Variants in CLDN10 observed in about 807,000 individuals in gnomAD.
CLDN10 encodes claudin-10.
In CLDN10, 15 loss-of-function variants were observed where a neutral mutation model predicts 22.9. The ratio of observed to expected loss-of-function variants is 0.65; its 90% CI spans 0.44 to 1.01. The LOEUF is 1.01. Among genes scored for constraint, CLDN10 ranks in the 50% least tolerant of loss-of-function variants. CLDN10 has a pLI of 0.00. For missense variants in CLDN10, 247 were observed against 287.8 expected, an observed-to-expected ratio of 0.86 and a Z score of 1.03; for synonymous variants, 114 against 111.4, an observed-to-expected ratio of 1.02 and a Z score of -0.15.
intron 3 of CLDN10, among the ~76,000 whole-genome samples, chr13:95,571,244 G>T (rs1232571241): frequency 4.6e-5 from 7 of 152,074 alleles, no homozygotes; most frequent in African/African-American, 1.7e-4. Context: ...AAATCACAGT[G>T]CATGGAAGGA....
chr13:95,459,989 A>C (rs2042519728), intron 1 of CLDN10, among the ~76,000 whole-genome samples: 1 of 152,202 alleles, frequency 6.6e-6, no homozygotes, highest in Non-Finnish European at 1.5e-5. Context: ...TTCTTCTGCC[A>C]GATACCCTAA....
chr13:95,529,543 TG>T (rs983965442), intron 1 of CLDN10, among the ~76,000 whole-genome samples: 1 of 152,200 alleles, frequency 6.6e-6, no homozygotes, highest in African/African-American at 2.4e-5. Flanking sequence ...TAGGTGAGCG[TG>T]CCTCTAGGCT....
intron 4 of CLDN10, 29 bp from the exon 5 acceptor site, chr13:95,577,870 GA>G (rs1160238907): frequency 4.7e-6 from 7 of 1,476,140 alleles, no homozygotes; most frequent in Non-Finnish European, 6.6e-6. Context: ...GTGTAGAATA[GA>G]ATCTACCAAA....
At chr13:95,469,365 A>G (rs187119192) in intron 1 of CLDN10, among the ~76,000 whole-genome samples, 1 of 152,056 alleles carries the variant, frequency 6.6e-6, no homozygotes, top group Non-Finnish European at 1.5e-5. Flanking sequence ...ATTTAACTTC[A>G]CCTTCTATAT....
intron 3 of CLDN10, among the ~76,000 whole-genome samples, chr13:95,570,992 A>G (rs1439584293): frequency 6.6e-6 from 1 of 151,342 alleles, no homozygotes; most frequent in Non-Finnish European, 1.5e-5. Context: ...TTGGTGCAAA[A>G]GTAATTGCGT....
intron 1 of CLDN10, among the ~76,000 whole-genome samples, chr13:95,512,071 A>G (rs1385168226): frequency 7.4e-6 from 1 of 134,524 alleles, no homozygotes; most frequent in African/African-American, 2.6e-5. Flanking sequence ...AACAAGGCTA[A>G]GACCAATGAT....
intron 1 of CLDN10, among the ~76,000 whole-genome samples, chr13:95,505,068 A>G (rs2043024364): frequency 6.6e-6 from 1 of 152,206 alleles, no homozygotes; most frequent in African/African-American, 2.4e-5. Flanking sequence ...GATCAAAGGA[A>G]TATTTTTTGC....
At chr13:95,480,162 G>A (rs56397503) in intron 1 of CLDN10, among the ~76,000 whole-genome samples, 5,273 of 152,148 alleles carry the variant, frequency 0.035, 303 homozygotes, top group African/African-American at 0.12. Context: ...TGAGACTCAC[G>A]ATCACAAAAA....
intron 1 of CLDN10, among the ~76,000 whole-genome samples, chr13:95,517,953 A>AG (rs1555295128): frequency 0.23 from 27,738 of 122,030 alleles, 3,258 homozygotes; most frequent in African/African-American, 0.3. Context: ...AAAAAAAAAA[A>AG]AGAGAGATTG....
At chr13:95,492,599 T>C (rs948049849) in intron 1 of CLDN10, among the ~76,000 whole-genome samples, 1 of 152,184 alleles carries the variant, frequency 6.6e-6, no homozygotes, top group African/African-American at 2.4e-5. Context: ...CCCTTCCAGC[T>C]GTGGAAGAAA....
At chr13:95,459,167 A>C (rs182232554) in intron 1 of CLDN10, among the ~76,000 whole-genome samples, 139 of 152,080 alleles carry the variant, frequency 9.1e-4, no homozygotes, top group African/African-American at 3.3e-3. Context: ...GTACAACCCC[A>C]CTCCTGGCTG....
chr13:95,543,415 T>C (rs2043479087), intron 1 of CLDN10, among the ~76,000 whole-genome samples: 1 of 152,064 alleles, frequency 6.6e-6, no homozygotes, highest in African/African-American at 2.4e-5. Context: ...TACAAGAGTC[T>C]TGAAAGTCAG....
At chr13:95,517,184 T>C (rs115083232) in intron 1 of CLDN10, among the ~76,000 whole-genome samples, 2,282 of 152,056 alleles carry the variant, frequency 0.015, 60 homozygotes, top group African/African-American at 0.051. Context: ...TTTTCATTCT[T>C]AAATTTTTCT....
chr13:95,509,509 A>T (rs929968824), intron 1 of CLDN10, among the ~76,000 whole-genome samples: 1 of 152,236 alleles, frequency 6.6e-6, no homozygotes, highest in Non-Finnish European at 1.5e-5. Flanking sequence ...GCGAAAATTC[A>T]TTAAAGAATT....
chr13:95,505,446 G>A (rs988300427), intron 1 of CLDN10, among the ~76,000 whole-genome samples: 1 of 152,206 alleles, frequency 6.6e-6, no homozygotes, highest in Non-Finnish European at 1.5e-5. Flanking sequence ...TTTCTTCAGT[G>A]CACAGCTCTG....
Position 95,579,660 on chromosome 13 carries a change from TAAAAA to T in CLDN10, c.*1650_*1654del, listed in dbSNP as rs1020023854. 6.6e-6 allele frequency: 1 copy of T among 151,694 alleles called. No individual in the cohort carries two copies. The highest frequency in any genetic ancestry group is 2.4e-5 in the African/African-American group (1 of 41,294). 9.4% of individuals were successfully genotyped at this position (151,694 alleles called of 1,614,324 possible). A position where few individuals can be genotyped will look rare whatever the true frequency, so the allele number is the denominator to read the frequency against. On this transcript the variant is annotated 3_prime_UTR_variant, in exon 5 of 5. Coordinates refer to ENST00000299339, the MANE Select transcript of CLDN10 (RefSeq NM_006984.5). ...GTATTTTCCTGAAGTGTGAAAGACTTAAAAAAAAGAATCACATTGTTCAGAGGTGC... is the reference window on the plus strand; with the variant it reads ...GTATTTTCCTGAAGTGTGAAAGACTTAAAGAATCACATTGTTCAGAGGTGC...
chr13:95,559,388 A>T, intron 1 of CLDN10, among the ~76,000 whole-genome samples: 1 of 152,150 alleles, frequency 6.6e-6, no homozygotes, highest in East Asian at 1.9e-4. Flanking sequence ...GACAGAACAT[A>T]CTCGTTAGGG....
At chr13:95,517,489 C>T (rs1213123321) in intron 1 of CLDN10, among the ~76,000 whole-genome samples, 2 of 152,302 alleles carry the variant, frequency 1.3e-5, no homozygotes, top group South Asian at 4.1e-4. Flanking sequence ...ACTGTAGTCC[C>T]AAACAATGAA....
chr13:95,517,588 T>C (rs1447267273), intron 1 of CLDN10, among the ~76,000 whole-genome samples: 1 of 152,166 alleles, frequency 6.6e-6, no homozygotes, highest in African/African-American at 2.4e-5. Flanking sequence ...CTTTAAAACA[T>C]GCAGGGAGAA....
Sources: gnomAD v4.1 joint callset for allele counts (sites outside exome capture counted in the v4.1 genomes callset) on GRCh38, gnomAD v4.1.1 for gene constraint, MANE v1.5 for transcripts, NCBI Gene and HGNC (gene_info 2026-07-23, HGNC 2026-07-21) for gene names.